MAD1L1: variants seen among roughly 807,000 people sequenced by gnomAD.
The protein encoded by MAD1L1 is mitotic arrest deficient 1 like 1, also known as mitotic spindle assembly checkpoint protein MAD1.
A neutral mutation model predicts 96.9 loss-of-function variants in MAD1L1; 95 were observed. That is an observed-to-expected ratio of 0.98 (90% CI 0.83 to 1.16). MAD1L1 has a LOEUF of 1.16. Ranked by LOEUF, MAD1L1 falls within the 50% of genes most tolerant of loss-of-function variation. The probability of loss-of-function intolerance (pLI) is 0.00; values close to 1 mark genes in which losing one functional copy is unlikely to be tolerated. For missense variants in MAD1L1, 1,007 were observed against 954.4 expected (o/e 1.06, Z -0.73); for synonymous variants, 473 against 396.6 (o/e 1.19, Z -2.29).
At chr7:2,042,340 C>CA (rs1783725631) in intron 12 of MAD1L1, among the ~76,000 whole-genome samples, 1 of 152,182 alleles carries the variant, frequency 6.6e-6, no homozygotes, top group African/African-American at 2.4e-5. Flanking sequence ...GACACACGCA[C>CA]AGACACACAC....
At chr7:2,012,493 C>T (rs1224614926) in intron 13 of MAD1L1, among the ~76,000 whole-genome samples, 1 of 152,246 alleles carries the variant, frequency 6.6e-6, no homozygotes, top group African/African-American at 2.4e-5. Context: ...ACAGCCGGAG[C>T]TAGCCTTTCC....
intron 1 of MAD1L1, 144 bp from the exon 2 acceptor site, chr7:2,230,871 T>C (rs929383435): frequency 1.3e-5 from 2 of 152,286 alleles, no homozygotes; most frequent in African/African-American, 4.8e-5. Flanking sequence ...CAGCACCTGG[T>C]CCACTCAGAC....
chr7:1,863,249 G>T (rs892426665), intron 18 of MAD1L1, among the ~76,000 whole-genome samples: 2 of 152,272 alleles, frequency 1.3e-5, no homozygotes, highest in Non-Finnish European at 2.9e-5. Context: ...TGAATGCCGG[G>T]TGCGGCTCAT....
chr7:2,194,599 G>A (rs1198800365), intron 10 of MAD1L1, among the ~76,000 whole-genome samples: 1 of 152,122 alleles, frequency 6.6e-6, no homozygotes, highest in Non-Finnish European at 1.5e-5. Context: ...AGACCTTATG[G>A]CCCCCAAAGC....
chr7:2,188,685 A>G (rs1791573413), intron 10 of MAD1L1, among the ~76,000 whole-genome samples: 1 of 152,216 alleles, frequency 6.6e-6, no homozygotes, highest in South Asian at 2.1e-4. Context: ...AATTAACCCA[A>G]AACAAATCAA....
intron 17 of MAD1L1, among the ~76,000 whole-genome samples, chr7:1,901,696 C>T (rs1223915386): frequency 6.6e-6 from 1 of 152,178 alleles, no homozygotes; most frequent in Non-Finnish European, 1.5e-5. Context: ...GCTTTTAGGC[C>T]CTCTCCGCTG....
intron 17 of MAD1L1, among the ~76,000 whole-genome samples, chr7:1,923,600 C>T (rs1029599498): frequency 1.3e-5 from 2 of 152,262 alleles, no homozygotes; most frequent in Non-Finnish European, 2.9e-5. Context: ...AGACAGGGTG[C>T]GTGGGGCATG....
chr7:2,224,385 G>A (rs946152044), intron 4 of MAD1L1, among the ~76,000 whole-genome samples: 5 of 151,982 alleles, frequency 3.3e-5, no homozygotes, highest in African/African-American at 9.7e-5. Flanking sequence ...ATGAGCAAAC[G>A]CCCCACCTCT....
chr7:2,118,634 G>T (rs951595591), intron 11 of MAD1L1, among the ~76,000 whole-genome samples: 2 of 152,234 alleles, frequency 1.3e-5, no homozygotes, highest in South Asian at 2.1e-4. Context: ...GCAGGTGACG[G>T]AAGTGAAGGA....
chr7:2,196,368 G>A (rs903418933), intron 10 of MAD1L1, among the ~76,000 whole-genome samples: 1 of 152,216 alleles, frequency 6.6e-6, no homozygotes, highest in African/African-American at 2.4e-5. Context: ...TTCCAAACCA[G>A]GGAAAACGTC....
At chr7:2,094,092 C>T (rs1411081510) in intron 11 of MAD1L1, among the ~76,000 whole-genome samples, 7 of 152,190 alleles carry the variant, frequency 4.6e-5, no homozygotes, top group Admixed American at 4.6e-4. Flanking sequence ...GTGGGGAGCC[C>T]GCTGGGAGCA....
intron 12 of MAD1L1, among the ~76,000 whole-genome samples, chr7:2,062,514 G>A (rs993738611): frequency 1.4e-4 from 22 of 152,094 alleles, no homozygotes; most frequent in Admixed American, 2.0e-4. Flanking sequence ...GGCGGAGGCT[G>A]CAGTGAGCCG....
At chr7:2,005,626 T>C (rs1441788982) in intron 13 of MAD1L1, among the ~76,000 whole-genome samples, 1 of 151,940 alleles carries the variant, frequency 6.6e-6, no homozygotes, top group Non-Finnish European at 1.5e-5. Flanking sequence ...CATACAGAGA[T>C]CCTGTTTCTA....
intron 10 of MAD1L1, among the ~76,000 whole-genome samples, chr7:2,187,304 A>G (rs550459469): frequency 1.3e-5 from 2 of 152,184 alleles, no homozygotes; most frequent in East Asian, 1.9e-4. Flanking sequence ...AACCAAGATC[A>G]TGCCACTGTA....
At chr7:2,224,591 A>C (rs556642961) in intron 4 of MAD1L1, among the ~76,000 whole-genome samples, 4 of 152,280 alleles carry the variant, frequency 2.6e-5, no homozygotes, top group African/African-American at 9.6e-5. Context: ...GAGTGTGTGA[A>C]TACACCGCAT....
intron 13 of MAD1L1, among the ~76,000 whole-genome samples, chr7:2,013,967 G>C (rs1375528324): frequency 6.6e-6 from 1 of 152,228 alleles, no homozygotes; most frequent in African/African-American, 2.4e-5. Context: ...CACCTCTCCT[G>C]GGAGAACCCT....
At chr7:1,964,692 G>T (rs991823947) in intron 15 of MAD1L1, among the ~76,000 whole-genome samples, 1 of 152,230 alleles carries the variant, frequency 6.6e-6, no homozygotes. Context: ...TCGAGAAGAT[G>T]ACGCCAATCA....
rs184918449 is a variant in MAD1L1 at position 2,156,848 on chromosome 7, A to C, written c.987-7610T>G. Among the ~76,000 whole-genome samples, 364 of 151,862 alleles carry C rather than the reference A, an allele frequency of 2.4e-3. 2 individuals carry two copies. Among genetic ancestry groups the C allele is most frequent in the Non-Finnish European group, 1.7e-3 (113 of 67,992 alleles). ...AAAAAAAAAAAAAAGAAAGAAAGAAAAGGAAAAGAAAAGAAAAGAAAGAAA... is the reference window on the plus strand; with the variant it reads ...AAAAAAAAAAAAAAGAAAGAAAGAACAGGAAAAGAAAAGAAAAGAAAGAAA... On this transcript the variant is annotated intron_variant, in intron 10 of 18. Coordinates refer to ENST00000265854, the MANE Select transcript of MAD1L1 (RefSeq NM_001013836.2).
At chr7:1,891,736 A>T (rs1375815894) in intron 18 of MAD1L1, among the ~76,000 whole-genome samples, 1 of 152,004 alleles carries the variant, frequency 6.6e-6, no homozygotes, top group Non-Finnish European at 1.5e-5. Flanking sequence ...AGGCGCCACC[A>T]CGCCTGGCTA....
Sources: allele counts gnomAD v4.1 joint callset (sites outside exome capture counted in the v4.1 genomes callset), GRCh38; gene constraint gnomAD v4.1.1; transcripts MANE v1.5; gene names NCBI Gene and HGNC (gene_info 2026-07-23, HGNC 2026-07-21).